The following DTNA variants were observed in gnomAD, a reference collection of about 807,000 sequenced individuals.
The protein encoded by DTNA is dystrophin-related protein 3.
In DTNA, 43 loss-of-function variants were observed where a neutral mutation model predicts 100.7. The observed-to-expected ratio is 0.43, with a 90% CI of 0.33 to 0.55. The LOEUF is 0.55. DTNA is among the 20% of genes least tolerant of loss of function. DTNA has a pLI of 0.04. For synonymous variants in DTNA, 349 were observed against 347.9 expected (o/e 1.00, Z -0.04); for missense variants, 798 against 953.9 (o/e 0.84, Z 2.15).
intron 1 of DTNA, among the ~76,000 whole-genome samples, chr18:34,545,497 AAG>A (rs2044684799): frequency 6.6e-6 from 1 of 152,166 alleles, no homozygotes; most frequent in Admixed American, 6.5e-5. Context: ...AGCAACAACA[AAG>A]AAGTATAAGT....
chr18:34,648,287 AAGT>A (rs2060078626), intron 1 of DTNA, among the ~76,000 whole-genome samples: 1 of 152,182 alleles, frequency 6.6e-6, no homozygotes, highest in South Asian at 2.1e-4. Context: ...TCACGATGAA[AAGT>A]ATAAGGAAGG....
intron 1 of DTNA, among the ~76,000 whole-genome samples, chr18:34,621,319 A>C (rs2147866372): frequency 6.6e-6 from 1 of 151,844 alleles, no homozygotes; most frequent in African/African-American, 2.4e-5. Context: ...TTTAGAAAGA[A>C]CTAAATTCTG....
At chr18:34,597,261 A>G (rs1199630331) in intron 1 of DTNA, among the ~76,000 whole-genome samples, 2 of 151,854 alleles carry the variant, frequency 1.3e-5, no homozygotes, top group Non-Finnish European at 2.9e-5. Context: ...CCTCTAATCC[A>G]TCCCACAAGC....
At chr18:34,829,518 CGTA>C in intron 11 of DTNA, 29 bp downstream of exon 11, 1 of 1,490,032 alleles carries the variant, frequency 6.7e-7, no homozygotes, top group Non-Finnish European at 9.0e-7. Context: ...AATTGCTAAT[CGTA>C]GTAGTAGTTC....
intron 9 of DTNA, among the ~76,000 whole-genome samples, chr18:34,825,027 A>G (rs955013372): frequency 6.6e-6 from 1 of 151,938 alleles, no homozygotes; most frequent in East Asian, 1.9e-4. Context: ...ATACATTTGT[A>G]TATGGAAATG....
At chr18:34,601,460 A>G (rs2051810859) in intron 1 of DTNA, among the ~76,000 whole-genome samples, 1 of 152,142 alleles carries the variant, frequency 6.6e-6, no homozygotes. Context: ...GTCTGAGCCC[A>G]GCGTCTGGAG....
At chr18:34,866,664 C>G in intron 17 of DTNA, 1 of 1,004,320 alleles carries the variant, frequency 1.0e-6, no homozygotes, top group Non-Finnish European at 1.2e-6. Flanking sequence ...ATTATTGAGC[C>G]TTGTTCCCCA....
chr18:34,564,089 C>T lies in DTNA; in HGVS notation c.-2+70575C>T, dbSNP rs114900451. ...CATTAGGTCTCCAGAAGGCAGAAGG[C>T]GGAAGGCTTTTATCGTATAATTGCA... On this transcript the variant is annotated intron_variant, in intron 1 of 19. Transcript: ENST00000283365. Among the ~76,000 whole-genome samples, 44 of 151,928 alleles carry T rather than the reference C, an allele frequency of 2.9e-4. 1 individual carries two copies. Among genetic ancestry groups the T allele is most frequent in the Admixed American group, 1.6e-3 (24 of 15,234 alleles).
At chr18:34,789,356 A>G (rs2094620216) in intron 3 of DTNA, among the ~76,000 whole-genome samples, 1 of 152,192 alleles carries the variant, frequency 6.6e-6, no homozygotes, top group South Asian at 2.1e-4. Context: ...TGCATTCCTG[A>G]TCATGTTGCT....
At chr18:34,817,973 TC>T (rs1021164791) in intron 7 of DTNA, 190 bp from the exon 8 acceptor site, 38 of 1,476,136 alleles carry the variant, frequency 2.6e-5, no homozygotes, top group Middle Eastern at 4.8e-4. Context: ...TCATTTCATT[TC>T]CCCACAGGCA....
chr18:34,697,551 G>GA (rs1251361763), intron 1 of DTNA, among the ~76,000 whole-genome samples: 1 of 151,452 alleles, frequency 6.6e-6, no homozygotes, highest in African/African-American at 2.5e-5. Flanking sequence ...GTTAGAAGGG[G>GA]AGAAAAAAGG....
Position 34,881,559 on chromosome 18 carries a change from A to G in DTNA, c.2163-510A>G, listed in dbSNP as rs548158308. 2.0e-5 allele frequency among the ~76,000 whole-genome samples: 3 copies of G among 149,910 alleles called. No individual in the cohort carries two copies. In the South Asian group the frequency reaches 6.3e-4, roughly 32 times the overall value. ...CTTAATTCTATAAAAATAAGGCATGAATGTGGTATGCATGCATATGTGTAT... is the reference window on the plus strand; with the variant it reads ...CTTAATTCTATAAAAATAAGGCATGGATGTGGTATGCATGCATATGTGTAT... On this transcript the variant is annotated intron_variant, in intron 20 of 22. Transcript: ENST00000444659.
chr18:34,648,589 G>A (rs1021579390), intron 1 of DTNA, among the ~76,000 whole-genome samples: 6 of 152,210 alleles, frequency 3.9e-5, no homozygotes, highest in African/African-American at 1.4e-4. Flanking sequence ...CTTTAGAGAT[G>A]CCATTAAAAT....
intron 1 of DTNA, among the ~76,000 whole-genome samples, chr18:34,672,338 G>C (rs902200897): frequency 6.6e-6 from 1 of 152,080 alleles, no homozygotes; most frequent in Non-Finnish European, 1.5e-5. Context: ...TACACAATGA[G>C]ACTCACTGGT....
chr18:34,501,842 C>T (rs2039961433), intron 1 of DTNA, among the ~76,000 whole-genome samples: 1 of 152,150 alleles, frequency 6.6e-6, no homozygotes, highest in Non-Finnish European at 1.5e-5. Context: ...GTCTTTTCCT[C>T]AGTGCTCAAG....
chr18:34,680,507 A>G (rs1323099835), intron 1 of DTNA, among the ~76,000 whole-genome samples: 1 of 152,200 alleles, frequency 6.6e-6, no homozygotes, highest in Non-Finnish European at 1.5e-5. Flanking sequence ...TTACAATTCC[A>G]ATAAAATAAT....
intron 4 of DTNA, among the ~76,000 whole-genome samples, chr18:34,803,803 G>A (rs17557347): frequency 2.0e-5 from 3 of 152,260 alleles, no homozygotes; most frequent in East Asian, 3.9e-4. Flanking sequence ...TTCTATTACA[G>A]CTACCTGCTC....
At chr18:34,826,101 G>C (rs1408273520) in intron 9 of DTNA, among the ~76,000 whole-genome samples, 1 of 152,122 alleles carries the variant, frequency 6.6e-6, no homozygotes, top group East Asian at 1.9e-4. Context: ...CTTCAGTTTT[G>C]TCTAGAGTAG....
chr18:34,775,059 G>A (rs2093975590), intron 3 of DTNA, among the ~76,000 whole-genome samples: 1 of 152,194 alleles, frequency 6.6e-6, no homozygotes, highest in South Asian at 2.1e-4. Context: ...GCAATCCCAT[G>A]CATAATCCCC....
Sources: allele counts gnomAD v4.1 joint callset (sites outside exome capture counted in the v4.1 genomes callset), GRCh38; gene constraint gnomAD v4.1.1; transcripts MANE v1.5; gene names NCBI Gene and HGNC (gene_info 2026-07-23, HGNC 2026-07-21).